Variants in CEP112 observed in about 807,000 individuals in gnomAD.
CEP112 encodes the protein centrosomal protein 112, also known as centrosomal protein of 112 kDa.
A neutral mutation model predicts 153.0 loss-of-function variants in CEP112; 127 were observed. The ratio of observed to expected loss-of-function variants is 0.83; its 90% CI spans 0.72 to 0.96. The LOEUF (loss-of-function observed/expected upper bound fraction) is 0.96, where lower values mean the gene tolerates loss of function less well. CEP112 is among the 40% of genes least tolerant of loss of function. The pLI is 0.00. For synonymous variants in CEP112, 358 were observed against 374.4 expected (o/e 0.96, Z 0.51); for missense variants, 1,089 against 1,101.2 (o/e 0.99, Z 0.16).
At chr17:66,089,505 A>T (rs2068059757) in intron 8 of CEP112, among the ~76,000 whole-genome samples, 1 of 152,208 alleles carries the variant, frequency 6.6e-6, no homozygotes, top group African/African-American at 2.4e-5. Flanking sequence ...TAAAAAATCA[A>T]ATTCTGGAGC....
chr17:66,052,211 T>C (rs1234337522), intron 12 of CEP112, among the ~76,000 whole-genome samples: 1 of 152,208 alleles, frequency 6.6e-6, no homozygotes, highest in East Asian at 1.9e-4. Flanking sequence ...GCAACCATTT[T>C]TGGAAATAAG....
At chr17:65,834,942 G>A (rs1410969289) in intron 21 of CEP112, among the ~76,000 whole-genome samples, 1 of 151,938 alleles carries the variant, frequency 6.6e-6, no homozygotes, top group Non-Finnish European at 1.5e-5. Context: ...ACATCAATCA[G>A]CTAAATGTTC....
At chr17:65,682,246 C>T (rs1567857207) in intron 24 of CEP112, among the ~76,000 whole-genome samples, 1 of 151,696 alleles carries the variant, frequency 6.6e-6, no homozygotes, top group African/African-American at 2.4e-5. Flanking sequence ...CCCGCCCCGG[C>T]TTCCCAAAGT....
chr17:65,713,570 C>T (rs1425248588), intron 23 of CEP112, among the ~76,000 whole-genome samples: 3 of 152,118 alleles, frequency 2.0e-5, no homozygotes, highest in African/African-American at 4.8e-5. Context: ...TTCCCTCTCA[C>T]GTCAAGTCAA....
intron 17 of CEP112, among the ~76,000 whole-genome samples, chr17:65,996,591 C>T (rs2063801354): frequency 6.6e-6 from 1 of 152,222 alleles, no homozygotes; most frequent in African/African-American, 2.4e-5. Context: ...GGGCTCACCA[C>T]TGTCCCAGAG....
At chr17:65,667,109 C>T (rs2046733500) in intron 24 of CEP112, among the ~76,000 whole-genome samples, 1 of 152,138 alleles carries the variant, frequency 6.6e-6, no homozygotes, top group Non-Finnish European at 1.5e-5. Flanking sequence ...GGCTGTGGTG[C>T]TGGTGGGGCT....
At chr17:66,007,158 T>C (rs2064311561) in intron 16 of CEP112, among the ~76,000 whole-genome samples, 1 of 152,152 alleles carries the variant, frequency 6.6e-6, no homozygotes, top group South Asian at 2.1e-4. Context: ...AGACAGGACA[T>C]TTTCCAAGAT....
intron 18 of CEP112, among the ~76,000 whole-genome samples, chr17:65,930,305 C>T (rs186167359): frequency 1.3e-5 from 2 of 152,260 alleles, no homozygotes; most frequent in Non-Finnish European, 2.9e-5. Flanking sequence ...CATTTCAATG[C>T]ATTTATTCAG....
intron 4 of CEP112, among the ~76,000 whole-genome samples, chr17:66,135,955 T>C (rs2146572760): frequency 6.6e-6 from 1 of 152,228 alleles, no homozygotes; most frequent in East Asian, 1.9e-4. Flanking sequence ...TCAGCAAGAC[T>C]CTCCTTCTCT....
intron 21 of CEP112, among the ~76,000 whole-genome samples, chr17:65,774,985 A>T (rs1006776245): frequency 1.3e-5 from 2 of 152,038 alleles, no homozygotes; most frequent in African/African-American, 4.8e-5. Flanking sequence ...AGCAGCGGAG[A>T]CACAAAAAGC....
At chr17:65,788,231 C>G (rs998871728) in intron 21 of CEP112, among the ~76,000 whole-genome samples, 2 of 152,166 alleles carry the variant, frequency 1.3e-5, no homozygotes, top group African/African-American at 4.8e-5. Flanking sequence ...AACATGAAAT[C>G]ACCCTTGCAT....
chr17:65,644,046 G>A (rs769198216), intron 24 of CEP112, among the ~76,000 whole-genome samples: 1 of 152,128 alleles, frequency 6.6e-6, no homozygotes, highest in Non-Finnish European at 1.5e-5. Context: ...CTGCCTCTTG[G>A]TGTCAATGAT....
rs1344066928 is a variant in CEP112 at position 66,063,052 on chromosome 17, T to C, written c.985A>G (p.Ile329Val). 10 of 1,592,136 alleles carry C rather than the reference T, an allele frequency of 6.3e-6. No individual in the cohort carries two copies. The highest frequency in any genetic ancestry group is 8.5e-6 in the Non-Finnish European group (10 of 1,170,594). ...ATCTGGTCTTCTTTAGTCTCTCTGA[T>C]AACTTGACAGTCACGTATCAGTGTC... ...VQTLIRDCQV[I>V]RETKEDQIAE... The change falls in exon 11 of 27, where the codon ATC (isoleucine) becomes GTC (valine). Residue 329 changes from isoleucine (I) to valine (V), a missense_variant. Transcript: ENST00000535342.
Position 65,641,007 on chromosome 17 carries a change from A to G in CEP112, c.2756T>C (p.Leu919Pro), listed in dbSNP as rs1336371808. 6.2e-7 allele frequency: 1 copy of G among 1,611,664 alleles called. No homozygotes were observed. Among genetic ancestry groups the G allele is most frequent in the Non-Finnish European group, 8.5e-7 (1 of 1,177,854 alleles). The change falls in exon 25 of 27, where the codon CTA (leucine) becomes CCA (proline). Residue 919 changes from leucine to proline, a missense_variant. Transcript: ENST00000535342. ...AATGGTGTCTTCAAGTTCTTGTCTT[A>G]GGGATGCTGGCATCAATCCTTTCAA... ...TKLKGLMPAS[L>P]RQELEDTISS...
At chr17:66,124,631 C>T (rs1048344854) in intron 6 of CEP112, among the ~76,000 whole-genome samples, 5 of 152,050 alleles carry the variant, frequency 3.3e-5, no homozygotes, top group Non-Finnish European at 7.4e-5. Flanking sequence ...AGATGGGCTG[C>T]TCTGTAAGTT....
At chr17:65,705,342 T>A (rs1191386703) in intron 23 of CEP112, among the ~76,000 whole-genome samples, 1 of 152,198 alleles carries the variant, frequency 6.6e-6, no homozygotes, top group Non-Finnish European at 1.5e-5. Context: ...TAATGTAAAT[T>A]TCTTCAGATT....
intron 17 of CEP112, among the ~76,000 whole-genome samples, chr17:65,994,429 G>T (rs1484842541): frequency 6.6e-6 from 1 of 152,172 alleles, no homozygotes; most frequent in East Asian, 1.9e-4. Context: ...CTGAGCTCAA[G>T]CAATTCTCCT....
chr17:65,951,193 T>A (rs1746622744), intron 18 of CEP112, among the ~76,000 whole-genome samples: 1 of 152,150 alleles, frequency 6.6e-6, no homozygotes, highest in African/African-American at 2.4e-5. Context: ...CAATCCATAG[T>A]TTACTAGTGA....
At chr17:65,859,306 G>A (rs1246820409) in intron 20 of CEP112, among the ~76,000 whole-genome samples, 1 of 151,830 alleles carries the variant, frequency 6.6e-6, no homozygotes, top group Non-Finnish European at 1.5e-5. Flanking sequence ...TGGGCGGGGT[G>A]GCAGGTGCCT....
Sources: allele counts gnomAD v4.1 joint callset (sites outside exome capture counted in the v4.1 genomes callset), GRCh38; gene constraint gnomAD v4.1.1; transcripts MANE v1.5; gene names NCBI Gene and HGNC (gene_info 2026-07-23, HGNC 2026-07-21).